The following ASPSCR1 variants were observed in gnomAD, a reference collection of about 807,000 sequenced individuals.
The protein encoded by ASPSCR1 is ASPSCR1 tether for SLC2A4, UBX domain containing, also known as tether containing UBX domain for GLUT4.
ASPSCR1 carries 55 observed loss-of-function variants against 68.9 expected under a neutral mutation model. The observed-to-expected ratio is 0.80, with a 90% CI of 0.64 to 1.00. ASPSCR1 has a LOEUF of 1.00. Ranked by LOEUF, ASPSCR1 falls within the 50% of genes least tolerant of loss-of-function variation. The probability of loss-of-function intolerance (pLI) is 0.00; values close to 1 mark genes in which losing one functional copy is unlikely to be tolerated. For missense variants in ASPSCR1, 765 were observed against 762.2 expected, an observed-to-expected ratio of 1.00 and a Z score of -0.04; for synonymous variants, 352 against 332.6, an observed-to-expected ratio of 1.06 and a Z score of -0.63.
At chr17:81,995,382 GTT>G in intron 5 of ASPSCR1, 1 of 234,782 alleles carries the variant, frequency 4.3e-6, no homozygotes. Context: ...TGACGGGGAG[GTT>G]CAGGTCTACG....
At chr17:82,010,547 A>AAAAC (rs1567990592) in intron 9 of ASPSCR1, among the ~76,000 whole-genome samples, 2 of 141,310 alleles carry the variant, frequency 1.4e-5, no homozygotes, top group African/African-American at 5.4e-5. Flanking sequence ...AAAAAAAAAA[A>AAAAC]AAAAACCAGC....
chr17:81,981,691 CAG>C (rs1175132965), intron 2 of ASPSCR1, among the ~76,000 whole-genome samples: 1 of 151,910 alleles, frequency 6.6e-6, no homozygotes, highest in Non-Finnish European at 1.5e-5. Flanking sequence ...TTTTCTGAAA[CAG>C]AGTCTTGCTC....
In ASPSCR1 at chr17:81,985,042, TCC is replaced by T. The variant is rs369017225; in HGVS notation, c.274-459_274-458del. 7.4e-4 allele frequency among the ~76,000 whole-genome samples: 20 copies of T among 26,894 alleles called. No individual in the cohort carries two copies. In the South Asian group the frequency reaches 9.3e-3, roughly 12 times the overall value. The allele number at this position is 26,894 out of a possible 152,430, so 17.6% of individuals were successfully genotyped here. On this transcript the variant is annotated intron_variant, in intron 3 of 15. Coordinates refer to ENST00000306739, the MANE Select transcript of ASPSCR1 (RefSeq NM_024083.4). ...CCGCCCACACCAACATGCACACACCTCCCCCCCACACACACCCACGCACACAC... is the reference window on the plus strand; with the variant it reads ...CCGCCCACACCAACATGCACACACCTCCCCCACACACACCCACGCACACAC...
At chr17:82,011,403 A>T in intron 10 of ASPSCR1, 140 bp from the exon 11 acceptor site, 1 of 799,996 alleles carries the variant, frequency 1.3e-6, no homozygotes, top group Non-Finnish European at 1.9e-6. Flanking sequence ...GAGCACCTGG[A>T]GTGCTGTGGG....
In ASPSCR1 at chr17:81,977,828, C is replaced by G. The variant is rs1442688412; in HGVS notation, c.102+80C>G. 1 of 1,097,372 alleles carries G rather than the reference C, an allele frequency of 9.1e-7. No individual in the cohort carries two copies. Among genetic ancestry groups the G allele is most frequent in the Non-Finnish European group, 1.1e-6 (1 of 876,428 alleles). The allele number at this position is 1,097,372 out of a possible 1,614,324, so 68.0% of individuals were successfully genotyped here. A position where few individuals can be genotyped will look rare whatever the true frequency, so the allele number is the denominator to read the frequency against. ...GGCCCCGCCCATTGCGGTCGGCGTC[C>G]CGGTGTTCGGGGGCGGGGCCTCGGC... On this transcript the variant is annotated intron_variant, in intron 1 of 15. Transcript: ENST00000306739. This position sits in a 1 kb window ranked among gnomAD's most constrained non-coding sequence, Gnocchi z 5.0.
At chr17:81,996,949 G>GGCAGAGGAACCCAAACGC in intron 7 of ASPSCR1, 103 bp downstream of exon 7, 6 of 1,507,486 alleles carry the variant, frequency 4.0e-6, no homozygotes, top group Admixed American at 2.3e-5. Flanking sequence ...CCGTGATGCG[G>GGCAGAGGAACCCAAACGC]GCAGAGGAAC....
chr17:81,996,876 G>C, intron 7 of ASPSCR1, 30 bp downstream of exon 7: 14 of 1,547,744 alleles, frequency 9.0e-6, no homozygotes, highest in Non-Finnish European at 1.2e-5. Context: ...TTGGGACTTG[G>C]GGGTGTCCTT....
intron 1 of ASPSCR1, chr17:81,978,816 C>T: frequency 3.1e-6 from 1 of 322,478 alleles, no homozygotes. Context: ...TGCACAGAAC[C>T]GTGCCAGAGC....
chr17:81,982,765 C>T (rs1459532965), intron 2 of ASPSCR1: 1 of 150,230 alleles, frequency 6.7e-6, no homozygotes, highest in Admixed American at 6.6e-5. Flanking sequence ...TTTCTTTCTT[C>T]TTCTCTTTTT....
chr17:81,982,868 C>T (rs1361644943), intron 2 of ASPSCR1, among the ~76,000 whole-genome samples: 1 of 151,698 alleles, frequency 6.6e-6, no homozygotes, highest in Non-Finnish European at 1.5e-5. Flanking sequence ...GGCAGGAGTG[C>T]AGTGGCATGA....
chr17:81,987,845 C>T lies in ASPSCR1; in HGVS notation c.374+2238C>T, dbSNP rs574414283. Among the ~76,000 whole-genome samples, 2 of 151,372 alleles carry T rather than the reference C, an allele frequency of 1.3e-5. No individual in the cohort carries two copies. The highest frequency in any genetic ancestry group is 4.2e-4 in the South Asian group (2 of 4,782). On this transcript the variant is annotated intron_variant, in intron 4 of 15. Transcript: ENST00000306739. The surrounding 1 kb of genome is among the most constrained non-coding windows in gnomAD (Gnocchi z 5.6). ...CTGGGTGACAAGAGCAAAACTCCAT[C>T]TCAAAAAAACAAAAAAACAAAAGAA...
At chr17:81,994,769 C>T (rs2042280447) in intron 4 of ASPSCR1, 52 bp from the exon 5 acceptor site, 2 of 1,577,454 alleles carry the variant, frequency 1.3e-6, no homozygotes, top group Non-Finnish European at 1.7e-6. Context: ...GCCTCCGTGG[C>T]ACTGGTTGAG....
At chr17:82,003,030 T>G (rs942043180) in intron 7 of ASPSCR1, among the ~76,000 whole-genome samples, 1 of 152,056 alleles carries the variant, frequency 6.6e-6, no homozygotes, top group Admixed American at 6.6e-5. Context: ...GCCCGTTTAG[T>G]AGAGATGGAG....
chr17:82,002,165 T>C (rs559185007), intron 7 of ASPSCR1, among the ~76,000 whole-genome samples: 5 of 152,022 alleles, frequency 3.3e-5, no homozygotes, highest in African/African-American at 1.2e-4. Context: ...CTTTTCATCT[T>C]CTAAAGTATT....
chr17:81,996,309 G>A (rs1014084813), intron 6 of ASPSCR1, 111 bp from the exon 7 acceptor site: 66 of 1,468,664 alleles, frequency 4.5e-5, no homozygotes, highest in Non-Finnish European at 5.0e-5. Flanking sequence ...AGGGTGAACC[G>A]GGGGCGGGAG....
intron 7 of ASPSCR1, 123 bp downstream of exon 7, chr17:81,996,969 C>T (rs1026303199): frequency 7.9e-5 from 119 of 1,498,260 alleles, no homozygotes; most frequent in Non-Finnish European, 7.2e-5. Context: ...CCCAAACGCG[C>T]AGAGGAACCC....
At chr17:82,012,332 G>T (rs777900951) in intron 12 of ASPSCR1, 49 bp downstream of exon 12, 1 of 1,580,484 alleles carries the variant, frequency 6.3e-7, no homozygotes, top group South Asian at 1.1e-5. Flanking sequence ...CCTCCAGGGA[G>T]GGCAGGACGA....
intron 5 of ASPSCR1, 89 bp from the exon 6 acceptor site, chr17:81,995,903 T>C: frequency 1.5e-6 from 2 of 1,313,214 alleles, no homozygotes; most frequent in Non-Finnish European, 1.1e-6. Flanking sequence ...ACGTGGCCTG[T>C]GGTCCTGGTG....
chr17:81,996,539 G>C lies in ASPSCR1; in HGVS notation c.626G>C (p.Arg209Pro). 6.2e-7 allele frequency: 1 copy of C among 1,612,864 alleles called. No individual in the cohort carries two copies. Among genetic ancestry groups the C allele is most frequent in the Non-Finnish European group, 8.5e-7 (1 of 1,179,644 alleles). The change falls in exon 7 of 16, where the codon CGC becomes CCC. Residue 209 changes from arginine (R) to proline (P), a missense_variant. Coordinates refer to ENST00000306739, the MANE Select transcript of ASPSCR1 (RefSeq NM_024083.4). The part of the protein sequence containing the change: ...PLPLESGELS[R>P]GDLSRPEDAD... The stretch of plus-strand genomic sequence containing the variant: ...CCCTTGGAATCTGGGGAGCTCAGCC[G>C]CGGCGACTTGAGCCGTCCGGAGGAC...
Sources: gnomAD v4.1 joint callset for allele counts (sites outside exome capture counted in the v4.1 genomes callset) on GRCh38, gnomAD v4.1.1 for gene constraint, Gnocchi (gnomAD v3.1) non-coding constraint, MANE v1.5 for transcripts, NCBI Gene and HGNC (gene_info 2026-07-23, HGNC 2026-07-21) for gene names.